RSU1: variants seen among roughly 807,000 people sequenced by gnomAD.
RSU1 encodes rsu-1.
Under a neutral mutation model 31.1 loss-of-function variants are expected in RSU1, and 26 were observed. The ratio of observed to expected loss-of-function variants is 0.84; its 90% CI spans 0.61 to 1.16. The LOEUF (loss-of-function observed/expected upper bound fraction) is 1.16. Ranked by LOEUF, RSU1 falls within the 50% of genes most tolerant of loss-of-function variation. The probability of loss-of-function intolerance (pLI) is 0.00; values close to 1 mark genes in which losing one functional copy is unlikely to be tolerated. For missense variants in RSU1, 320 were observed against 339.1 expected (o/e 0.94, Z 0.44); for synonymous variants, 164 against 136.3 (o/e 1.20, Z -1.41).
intron 7 of RSU1, among the ~76,000 whole-genome samples, chr10:16,710,655 AT>A (rs1049845893): frequency 1.3e-5 from 2 of 151,920 alleles, no homozygotes; most frequent in African/African-American, 4.8e-5. Context: ...TTGATGAAAC[AT>A]TTTTTTTAAA....
chr10:16,741,086 T>C (rs567207865), intron 7 of RSU1, among the ~76,000 whole-genome samples: 2 of 152,310 alleles, frequency 1.3e-5, no homozygotes, highest in African/African-American at 4.8e-5. Context: ...GTACTAAAGA[T>C]AGTGTGGTAC....
chr10:16,617,609 A>C (rs1323670498), intron 8 of RSU1, among the ~76,000 whole-genome samples: 1 of 152,216 alleles, frequency 6.6e-6, no homozygotes, highest in African/African-American at 2.4e-5. Flanking sequence ...ACAGTAACCA[A>C]AACAGCATGG....
At chr10:16,629,837 C>A (rs932676288) in intron 8 of RSU1, among the ~76,000 whole-genome samples, 2 of 152,142 alleles carry the variant, frequency 1.3e-5, no homozygotes, top group African/African-American at 4.8e-5. Context: ...ACAGGTGACA[C>A]TAAGGGGAAA....
In RSU1 at chr10:16,771,300, A is replaced by G. The variant is rs183092927; in HGVS notation, c.161-6790T>C. Among the ~76,000 whole-genome samples the G allele has an allele frequency of 5.3e-4, 81 of 152,362 alleles. No homozygotes were observed. In the South Asian group the frequency reaches 0.012, roughly 23 times the overall value. On this transcript the variant is annotated intron_variant, in intron 3 of 8. Transcript: ENST00000345264. ...CAGCATTTGATGAATATGATAGTGA[A>G]AAACAAGTGTCCCCCTTTGGCCTGA... is the stretch of plus-strand genomic sequence containing the variant.
At chr10:16,635,471 A>G (rs1217641073) in intron 8 of RSU1, among the ~76,000 whole-genome samples, 3 of 152,208 alleles carry the variant, frequency 2.0e-5, no homozygotes, top group Non-Finnish European at 4.4e-5. Flanking sequence ...TCTGGTCCCC[A>G]CACCCTTAGC....
chr10:16,708,159 C>T (rs770092782), intron 7 of RSU1, among the ~76,000 whole-genome samples: 6 of 152,070 alleles, frequency 3.9e-5, no homozygotes, highest in Non-Finnish European at 7.4e-5. Context: ...TGACTTCCCC[C>T]AAAAAACTAT....
chr10:16,722,668 G>A (rs966048569), intron 7 of RSU1, among the ~76,000 whole-genome samples: 2 of 151,982 alleles, frequency 1.3e-5, no homozygotes, highest in African/African-American at 4.8e-5. Context: ...ATTTACAGAA[G>A]GGCCAAATAG....
intron 5 of RSU1, 108 bp downstream of exon 5, chr10:16,754,763 A>C (rs1396816493): frequency 1.8e-5 from 13 of 703,978 alleles, no homozygotes; most frequent in Non-Finnish European, 3.0e-5. Flanking sequence ...AGAAAAAATT[A>C]TCTCTGTCCA....
chr10:16,667,828 A>G (rs1168174701), intron 8 of RSU1, among the ~76,000 whole-genome samples: 1 of 152,204 alleles, frequency 6.6e-6, no homozygotes, highest in East Asian at 1.9e-4. Flanking sequence ...TATGAACTAT[A>G]TTCAATGAGC....
In RSU1 at chr10:16,708,794, A is replaced by G. The variant is rs188502033; in HGVS notation, c.599-13639T>C. Among the ~76,000 whole-genome samples the G allele has an allele frequency of 6.6e-5, 10 of 151,346 alleles. No individual in the cohort carries two copies. The East Asian group carries it at 1.9e-3, about 29-fold the overall frequency. ...AGAGTTTCAATATAGAGAGCTTTCA[A>G]TTTGGTTTTGTTTCTATTATCTTTT... is the stretch of plus-strand genomic sequence containing the variant. On this transcript the variant is annotated intron_variant, in intron 7 of 8. Coordinates refer to ENST00000345264, the MANE Select transcript of RSU1 (RefSeq NM_012425.4).
chr10:16,726,217 T>C (rs778216972), intron 7 of RSU1, among the ~76,000 whole-genome samples: 1 of 151,978 alleles, frequency 6.6e-6, no homozygotes. Flanking sequence ...CATTTGTCAA[T>C]ATAGTTACCT....
chr10:16,715,978 TCAAAA>T (rs1836131195), intron 7 of RSU1, among the ~76,000 whole-genome samples: 1 of 152,218 alleles, frequency 6.6e-6, no homozygotes, highest in Admixed American at 6.5e-5. Context: ...TATTCAAGAG[TCAAAA>T]CAAAGTAGAA....
At chr10:16,702,592 G>A (rs747131781) in intron 7 of RSU1, among the ~76,000 whole-genome samples, 35 of 152,220 alleles carry the variant, frequency 2.3e-4, no homozygotes, top group Non-Finnish European at 3.8e-4. Flanking sequence ...GAACTTCCAT[G>A]GGAGCTGTAG....
At chr10:16,777,578 CTT>C (rs1837560106) in intron 3 of RSU1, among the ~76,000 whole-genome samples, 2 of 152,152 alleles carry the variant, frequency 1.3e-5, no homozygotes, top group African/African-American at 4.8e-5. Flanking sequence ...GGTTTCTAAT[CTT>C]TAGGTACAAA....
chr10:16,762,385 A>C, intron 4 of RSU1, among the ~76,000 whole-genome samples: 1 of 151,730 alleles, frequency 6.6e-6, no homozygotes, highest in Non-Finnish European at 1.5e-5. Context: ...ATCTATATGT[A>C]GTTTTAGCTT....
intron 7 of RSU1, among the ~76,000 whole-genome samples, chr10:16,697,883 T>C (rs1262533882): frequency 6.6e-6 from 1 of 151,920 alleles, no homozygotes; most frequent in Non-Finnish European, 1.5e-5. Flanking sequence ...AACTTCTAGT[T>C]GGTAGAATTT....
At chr10:16,734,194 G>C (rs191355060) in intron 7 of RSU1, among the ~76,000 whole-genome samples, 4 of 152,226 alleles carry the variant, frequency 2.6e-5, no homozygotes, top group Admixed American at 2.6e-4. Flanking sequence ...CAAGGGGGAA[G>C]AAAGCCAACA....
Position 16,817,047 on chromosome 10 carries a change from C to A in RSU1, c.35G>T (p.Ser12Ile), listed in dbSNP as rs773683948. ...SKSLKKLVEE[S>I]REKNQPEVDM... Reference sequence around the variant, plus strand: ...CACCTCGGGCTGGTTCTTCTCCCGGCTCTCCTCCACCAACTTCTTCAGAGA... The same window carrying A: ...CACCTCGGGCTGGTTCTTCTCCCGGATCTCCTCCACCAACTTCTTCAGAGA... Residue 12 changes from serine to isoleucine, a missense_variant, in exon 2 of 9, where the codon AGC becomes ATC. Physicochemically the swap from Ser to Ile is moderately radical, Grantham distance 142. Coordinates refer to ENST00000345264, the MANE Select transcript of RSU1 (RefSeq NM_012425.4). 4 of 1,614,064 alleles carry A rather than the reference C, an allele frequency of 2.5e-6. No individual in the cohort carries two copies. In the South Asian group the frequency reaches 4.4e-5, roughly 18 times the overall value.
In RSU1 at chr10:16,619,008, C is replaced by T. The variant is rs28672347; in HGVS notation, c.732-25512G>A. Among the ~76,000 whole-genome samples, 739 of 152,250 alleles carry T rather than the reference C, an allele frequency of 4.9e-3. 5 individuals carry two copies. The highest frequency in any genetic ancestry group is 0.017 in the African/African-American group (711 of 41,548). On this transcript the variant is annotated intron_variant, in intron 8 of 8. Transcript: ENST00000345264. ...TTAAAAAAATTATAAATAAAATGGG[C>T]ATTCCACCTGCTACCTAATAGAGTA...
Sources: gnomAD v4.1 joint callset for allele counts (sites outside exome capture counted in the v4.1 genomes callset) on GRCh38, gnomAD v4.1.1 for gene constraint, MANE v1.5 for transcripts, NCBI Gene and HGNC (gene_info 2026-07-23, HGNC 2026-07-21) for gene names.